The following ZPLD1 variants were observed in gnomAD, a reference collection of about 807,000 sequenced individuals.
The protein encoded by ZPLD1 is zona pellucida-like domain-containing protein 1.
A neutral mutation model predicts 47.2 loss-of-function variants in ZPLD1; 34 were observed. The observed-to-expected ratio is 0.72, with a 90% CI of 0.55 to 0.96. ZPLD1 has a LOEUF of 0.96. ZPLD1 is among the 40% of genes least tolerant of loss of function. The pLI is 0.00. For missense variants in ZPLD1, 512 were observed against 505.8 expected (o/e 1.01, Z -0.12); for synonymous variants, 176 against 186.2 (o/e 0.95, Z 0.45).
intron 7 of ZPLD1, among the ~76,000 whole-genome samples, chr3:102,403,586 G>C (rs960458999): frequency 1.4e-4 from 21 of 151,838 alleles, no homozygotes; most frequent in Admixed American, 1.2e-3. Flanking sequence ...TTTTCCTTTT[G>C]ATCTCAGTAA....
chr3:102,454,933 C>G (rs1365198717), intron 4 of ZPLD1, among the ~76,000 whole-genome samples: 1 of 152,168 alleles, frequency 6.6e-6, no homozygotes, highest in South Asian at 2.1e-4. Context: ...GTTTAGCTAT[C>G]AAATAAAGCA....
At chr3:102,433,436 C>T (rs146095463), upstream of ZPLD1, among the ~76,000 whole-genome samples, 411 of 152,296 alleles carry the variant, frequency 2.7e-3, 1 homozygote, top group African/African-American at 9.0e-3. Context: ...AGTTAGAAAA[C>T]ACATATAAAA....
At chr3:102,457,894 T>C (rs370660225) in intron 6 of ZPLD1, 41 bp downstream of exon 6, 9 of 1,587,748 alleles carry the variant, frequency 5.7e-6, no homozygotes, top group Non-Finnish European at 7.8e-6. Flanking sequence ...TCTTTCACTG[T>C]TGTGAGGAGT....
intron 7 of ZPLD1, among the ~76,000 whole-genome samples, chr3:102,403,283 C>T (rs115775929): frequency 0.012 from 1,858 of 152,002 alleles, 18 homozygotes; most frequent in Middle Eastern, 0.048. Context: ...GATTCTTAGG[C>T]ATGGTGGTTA....
At chr3:102,467,693 G>A (rs1382627435) in intron 8 of ZPLD1, among the ~76,000 whole-genome samples, 2 of 151,794 alleles carry the variant, frequency 1.3e-5, no homozygotes, top group East Asian at 3.9e-4. Context: ...TTAATTTAAA[G>A]GTAAAAACTA....
chr3:102,459,997 A>G lies in ZPLD1; in HGVS notation c.582+2144A>G, dbSNP rs558170391. Among the ~76,000 whole-genome samples, 17 of 152,194 alleles carry G rather than the reference A, an allele frequency of 1.1e-4. No individual in the cohort carries two copies. In the East Asian group the frequency reaches 2.7e-3, roughly 24 times the overall value. ...CAATGCCTCAAACTAAAAATTTTTTAACACAGTGTCATCATAGTATTTTGC... is the reference window on the plus strand; with the variant it reads ...CAATGCCTCAAACTAAAAATTTTTTGACACAGTGTCATCATAGTATTTTGC... On this transcript the variant is annotated intron_variant, in intron 6 of 11. Coordinates refer to ENST00000466937, the MANE Select transcript of ZPLD1 (RefSeq NM_001329788.2).
chr3:102,451,834 C>A (rs2107334537), intron 3 of ZPLD1, among the ~76,000 whole-genome samples: 1 of 152,196 alleles, frequency 6.6e-6, no homozygotes, highest in South Asian at 2.1e-4. Context: ...ATAAGGACAC[C>A]AGTCATATTG....
intron 6 of ZPLD1, among the ~76,000 whole-genome samples, chr3:102,459,948 T>C (rs1312713849): frequency 2.6e-5 from 4 of 152,160 alleles, no homozygotes; most frequent in African/African-American, 9.6e-5. Context: ...TTGCTCATCA[T>C]TGCTGTATAA....
chr3:102,415,593 A>G (rs557035876), intron 7 of ZPLD1, among the ~76,000 whole-genome samples: 170 of 152,004 alleles, frequency 1.1e-3, no homozygotes, highest in South Asian at 2.9e-3. Context: ...CGTGAAGCTA[A>G]AACTTTGCTT....
intron 3 of ZPLD1, among the ~76,000 whole-genome samples, chr3:102,445,941 A>G (rs1459379271): frequency 6.6e-6 from 1 of 152,214 alleles, no homozygotes; most frequent in African/African-American, 2.4e-5. Flanking sequence ...CATTTTCTCA[A>G]TTTGAAGGTA....
chr3:102,404,167 T>C (rs982462680), intron 7 of ZPLD1, among the ~76,000 whole-genome samples: 1 of 151,978 alleles, frequency 6.6e-6, no homozygotes, highest in African/African-American at 2.4e-5. Flanking sequence ...CCTCCAATAA[T>C]GATGTCTACA....
At chr3:102,424,447 C>G (rs1706917203) in intron 8 of ZPLD1, among the ~76,000 whole-genome samples, 1 of 152,144 alleles carries the variant, frequency 6.6e-6, no homozygotes, top group African/African-American at 2.4e-5. Flanking sequence ...AAGAATTAAT[C>G]AAACTCTATA....
rs138014916 is a variant in ZPLD1, at chr3:102,435,567, C to A, written c.-123+413C>A. The stretch of plus-strand genomic sequence containing the variant: ...TGGCCTTGAAACTAAGTTTTCAATG[C>A]CTTCTGTATGTCCAAACTATACTAT... On this transcript the variant is annotated intron_variant, in intron 1 of 11. Coordinates refer to ENST00000466937, the MANE Select transcript of ZPLD1 (RefSeq NM_001329788.2). 1.6e-4 allele frequency among the ~76,000 whole-genome samples: 25 copies of A among 152,054 alleles called. No homozygotes were observed. The East Asian group carries it at 4.8e-3, about 29-fold the overall frequency.
chr3:102,411,672 C>T (rs958221577), intron 7 of ZPLD1, among the ~76,000 whole-genome samples: 3 of 151,680 alleles, frequency 2.0e-5, no homozygotes, highest in Admixed American at 1.3e-4. Context: ...AATAATGAGT[C>T]AACTCAAATA....
intron 7 of ZPLD1, among the ~76,000 whole-genome samples, chr3:102,400,449 T>A (rs1023020017): frequency 6.6e-6 from 1 of 152,070 alleles, no homozygotes; most frequent in Non-Finnish European, 1.5e-5. Context: ...TGTTTTTCCC[T>A]GGCTGGAGGG....
In ZPLD1 at chr3:102,479,277, T is replaced by C. The variant is rs1217241490; in HGVS notation, c.*1659T>C. 2 of 152,228 alleles carry C rather than the reference T, an allele frequency of 1.3e-5. No homozygotes were observed. Among genetic ancestry groups the C allele is most frequent in the Non-Finnish European group, 2.9e-5 (2 of 68,024 alleles). 9.4% of individuals were successfully genotyped at this position (152,228 alleles called of 1,614,324 possible). ...TTTGAAGTGACTATTCTGAGCTTTA[T>C]CTGTGTTAACATGATTAACTGACCA... is the stretch of plus-strand genomic sequence containing the variant. On this transcript the variant is annotated 3_prime_UTR_variant, in exon 12 of 12. Transcript: ENST00000466937.
upstream of ZPLD1, among the ~76,000 whole-genome samples, chr3:102,434,377 G>T (rs1000916492): frequency 6.6e-6 from 1 of 152,124 alleles, no homozygotes; most frequent in East Asian, 1.9e-4. Flanking sequence ...AGAAATTAGA[G>T]ATTTATATGT....
In ZPLD1 at chr3:102,456,200, C is replaced by G; in HGVS notation, c.335C>G (p.Thr112Arg). Residue 112 changes from threonine to arginine, a missense_variant, in exon 5 of 12, where the codon ACA (threonine) becomes AGA (arginine). Thr to Arg is a moderately conservative substitution (Grantham distance 71). Coordinates refer to ENST00000466937, the MANE Select transcript of ZPLD1 (RefSeq NM_001329788.2). ...EGCGNNLVVS[T>R]IPGVSAYGNA... is the part of the protein sequence containing the mutation. ...CATCTAACATTCTAACAGGTATCCA[C>G]AATTCCTGGAGTCAGTGCTTATGGA... 1 of 1,611,870 alleles carries G rather than the reference C, an allele frequency of 6.2e-7. No homozygotes were observed. Among genetic ancestry groups the G allele is most frequent in the South Asian group, 1.1e-5 (1 of 90,446 alleles).
upstream of ZPLD1, among the ~76,000 whole-genome samples, chr3:102,430,055 T>A (rs566424044): frequency 6.6e-6 from 1 of 152,340 alleles, no homozygotes; most frequent in Non-Finnish European, 1.5e-5. Context: ...TTCAAAAGTC[T>A]TCAATGATTT....
Sources: allele counts gnomAD v4.1 joint callset (sites outside exome capture counted in the v4.1 genomes callset), GRCh38; gene constraint gnomAD v4.1.1; transcripts MANE v1.5; gene names NCBI Gene and HGNC (gene_info 2026-07-23, HGNC 2026-07-21).